HMBOX1: variants seen among roughly 807,000 people sequenced by gnomAD.
HMBOX1 encodes homeobox containing 1, also known as homeobox-containing protein 1.
HMBOX1 carries 14 observed loss-of-function variants against 54.5 expected under a neutral mutation model. That is an observed-to-expected ratio of 0.26 (90% CI 0.17 to 0.40). HMBOX1 has a LOEUF of 0.40. HMBOX1 is among the 10% of genes least tolerant of loss of function. The pLI is 1.00. For missense variants in HMBOX1, 332 were observed against 514.4 expected, an observed-to-expected ratio of 0.65 and a Z score of 3.43; for synonymous variants, 160 against 181.0, an observed-to-expected ratio of 0.88 and a Z score of 0.93.
intron 6 of HMBOX1, among the ~76,000 whole-genome samples, chr8:29,027,578 T>C (rs182151673): frequency 7.7e-4 from 117 of 152,190 alleles, no homozygotes; most frequent in African/African-American, 2.6e-3. Flanking sequence ...GGGAGGAAGG[T>C]AAAATAAGCC....
intron 1 of HMBOX1, among the ~76,000 whole-genome samples, chr8:28,921,028 A>T (rs1412450107): frequency 6.6e-6 from 1 of 152,212 alleles, no homozygotes; most frequent in Non-Finnish European, 1.5e-5. Context: ...ACATTTCATA[A>T]GCATTTAAAA....
chr8:29,035,984 A>T (rs545641509), intron 6 of HMBOX1, among the ~76,000 whole-genome samples: 1 of 152,336 alleles, frequency 6.6e-6, no homozygotes, highest in East Asian at 1.9e-4. Context: ...TAAGACTCAC[A>T]CCAAACCTCT....
chr8:28,966,897 A>G (rs117934999), intron 2 of HMBOX1, among the ~76,000 whole-genome samples: 2 of 152,324 alleles, frequency 1.3e-5, no homozygotes, highest in East Asian at 1.9e-4. Flanking sequence ...GAACAAGGTG[A>G]TACATAAAGG....
chr8:29,005,903 G>C (rs1222339470), intron 4 of HMBOX1, among the ~76,000 whole-genome samples: 1 of 151,564 alleles, frequency 6.6e-6, no homozygotes, highest in Non-Finnish European at 1.5e-5. Context: ...GTTTATCCAT[G>C]TGGTTTCATA....
intron 4 of HMBOX1, among the ~76,000 whole-genome samples, chr8:28,990,213 C>G (rs770624189): frequency 6.6e-6 from 1 of 152,070 alleles, no homozygotes; most frequent in African/African-American, 2.4e-5. Flanking sequence ...ACTAACAGTT[C>G]AATCTTGAAT....
At chr8:28,948,693 G>C (rs1232638093) in intron 1 of HMBOX1, among the ~76,000 whole-genome samples, 1 of 152,004 alleles carries the variant, frequency 6.6e-6, no homozygotes, top group African/African-American at 2.4e-5. Context: ...AGAGTTTCTG[G>C]CTCCTATGAT....
At chr8:28,906,702 G>A (rs1363876643) in intron 1 of HMBOX1, among the ~76,000 whole-genome samples, 1 of 152,128 alleles carries the variant, frequency 6.6e-6, no homozygotes, top group East Asian at 1.9e-4. Context: ...GGATTCTCCT[G>A]CCTCAGCCTC....
rs564723894 is a variant in HMBOX1 at position 28,973,888 on chromosome 8, C to T, written c.500+3369C>T. Among the ~76,000 whole-genome samples, 11 of 133,164 alleles carry T rather than the reference C, an allele frequency of 8.3e-5. No individual in the cohort carries two copies. The East Asian group carries it at 1.9e-3, about 23-fold the overall frequency. 87.4% of individuals were successfully genotyped at this position (133,164 alleles called of 152,430 possible). On this transcript the variant is annotated intron_variant, in intron 3 of 9. Transcript: ENST00000287701. ...GGAGTACAGTGGTGCAATCTTGGCTCACTGCAACCTTCGCCTCCCGGGTTA... is the reference window on the plus strand; with the variant it reads ...GGAGTACAGTGGTGCAATCTTGGCTTACTGCAACCTTCGCCTCCCGGGTTA...
At chr8:28,897,417 C>T (rs966920642) in intron 1 of HMBOX1, among the ~76,000 whole-genome samples, 13 of 152,096 alleles carry the variant, frequency 8.5e-5, no homozygotes, top group Admixed American at 7.9e-4. Flanking sequence ...TGGCTCATGC[C>T]GGTAATCCCG....
intron 4 of HMBOX1, among the ~76,000 whole-genome samples, chr8:28,998,711 CCT>C (rs1432817653): frequency 6.6e-6 from 1 of 151,744 alleles, no homozygotes; most frequent in Non-Finnish European, 1.5e-5. Flanking sequence ...TCTTTTTGTT[CCT>C]CTGTTTGATT....
chr8:28,901,823 C>A (rs1813288911), intron 1 of HMBOX1, among the ~76,000 whole-genome samples: 2 of 151,772 alleles, frequency 1.3e-5, no homozygotes, highest in Admixed American at 1.3e-4. Flanking sequence ...AGTAAATTAC[C>A]TTTCCTTCTG....
chr8:28,925,268 GTGAC>G (rs1307429921), intron 1 of HMBOX1, among the ~76,000 whole-genome samples: 2 of 152,160 alleles, frequency 1.3e-5, no homozygotes, highest in Non-Finnish European at 2.9e-5. Context: ...TTTTGTACCA[GTGAC>G]TAAGAACTTA....
At chr8:28,896,764 A>G (rs759503849) in intron 1 of HMBOX1, among the ~76,000 whole-genome samples, 1 of 152,224 alleles carries the variant, frequency 6.6e-6, no homozygotes, top group Non-Finnish European at 1.5e-5. Context: ...GGCTTGTGTA[A>G]GTACACTCTA....
At chr8:28,988,149 C>T in intron 4 of HMBOX1, among the ~76,000 whole-genome samples, 1 of 152,180 alleles carries the variant, frequency 6.6e-6, no homozygotes. Context: ...TTTGCCTTTT[C>T]TAGAATTTCA....
intron 1 of HMBOX1, among the ~76,000 whole-genome samples, chr8:28,903,798 T>A (rs1279275766): frequency 6.8e-4 from 104 of 152,222 alleles, no homozygotes; most frequent in Non-Finnish European, 1.3e-4. Flanking sequence ...AATCAAAATA[T>A]ATAGACATAC....
At chr8:28,928,893 A>G (rs1819005161) in intron 1 of HMBOX1, among the ~76,000 whole-genome samples, 1 of 152,192 alleles carries the variant, frequency 6.6e-6, no homozygotes, top group South Asian at 2.1e-4. Context: ...TAGAAATAGA[A>G]TAGAAGGGTA....
At chr8:28,904,477 C>G (rs894853599) in intron 1 of HMBOX1, among the ~76,000 whole-genome samples, 2 of 152,236 alleles carry the variant, frequency 1.3e-5, no homozygotes, top group Admixed American at 6.5e-5. Flanking sequence ...GTGATCCGCC[C>G]GCCTAGGCCT....
At chr8:29,003,540 A>T (rs1832961709) in intron 4 of HMBOX1, among the ~76,000 whole-genome samples, 3 of 130,488 alleles carry the variant, frequency 2.3e-5, no homozygotes, top group Admixed American at 7.9e-5. Context: ...TTCTGTATTA[A>T]ATTTTTCTGT....
intron 1 of HMBOX1, among the ~76,000 whole-genome samples, chr8:28,920,500 G>A (rs903909481): frequency 2.0e-5 from 3 of 152,114 alleles, no homozygotes; most frequent in African/African-American, 4.8e-5. Flanking sequence ...AGATTATCTC[G>A]TGAGATTTAT....
Sources: allele counts gnomAD v4.1 joint callset (sites outside exome capture counted in the v4.1 genomes callset), GRCh38; gene constraint gnomAD v4.1.1; transcripts MANE v1.5; gene names NCBI Gene and HGNC (gene_info 2026-07-23, HGNC 2026-07-21).